The following RIMS2 variants were observed in gnomAD, a reference collection of about 807,000 sequenced individuals.
The protein encoded by RIMS2 is regulating synaptic membrane exocytosis protein 2.
In RIMS2, 59 loss-of-function variants were observed where a neutral mutation model predicts 174.4. The observed-to-expected ratio is 0.34, with a 90% confidence interval of 0.27 to 0.42. The LOEUF (loss-of-function observed/expected upper bound fraction) is 0.42. Ranked by LOEUF, RIMS2 falls within the 10% of genes least tolerant of loss-of-function variation. RIMS2 has a pLI of 1.00. For synonymous variants in RIMS2, 606 were observed against 572.5 expected (o/e 1.06, Z -0.84); for missense variants, 1,620 against 1,666.3 (o/e 0.97, Z 0.48).
At chr8:103,929,397 C>T (rs1433611706) in intron 11 of RIMS2, among the ~76,000 whole-genome samples, 1 of 151,570 alleles carries the variant, frequency 6.6e-6, no homozygotes, top group Non-Finnish European at 1.5e-5. Context: ...TTAGTTTAAC[C>T]CCCCAAAAGG....
chr8:103,511,712 G>T (rs940688284), intron 1 of RIMS2, among the ~76,000 whole-genome samples: 8 of 152,182 alleles, frequency 5.3e-5, no homozygotes, highest in Non-Finnish European at 8.8e-5. Context: ...AATTTATGTT[G>T]CAGTTGACAG....
chr8:103,994,297 A>G (rs1428287055), intron 17 of RIMS2, among the ~76,000 whole-genome samples: 1 of 152,134 alleles, frequency 6.6e-6, no homozygotes, highest in African/African-American at 2.4e-5. Context: ...GTGTCTAGAA[A>G]TTGGATTAGT....
intron 3 of RIMS2, chr8:103,768,673 C>T: frequency 1.3e-6 from 1 of 790,754 alleles, no homozygotes; most frequent in Non-Finnish European, 2.3e-6. Context: ...GATGCCTCAT[C>T]ACCTGGGGCC....
At chr8:103,801,965 C>T (rs1020815935) in intron 3 of RIMS2, among the ~76,000 whole-genome samples, 1 of 152,146 alleles carries the variant, frequency 6.6e-6, no homozygotes, top group African/African-American at 2.4e-5. Context: ...TTTCTTTCAG[C>T]GTCATATATT....
chr8:104,212,819 A>G (rs1219333573), intron 19 of RIMS2, among the ~76,000 whole-genome samples: 2 of 152,222 alleles, frequency 1.3e-5, no homozygotes, highest in Non-Finnish European at 2.9e-5. Context: ...CACTCTCCTC[A>G]TAAGAGATGA....
intron 2 of RIMS2, among the ~76,000 whole-genome samples, chr8:103,707,701 T>C (rs1179459301): frequency 6.6e-6 from 1 of 152,190 alleles, no homozygotes; most frequent in Non-Finnish European, 1.5e-5. Flanking sequence ...CTGGGTTATA[T>C]TCCAATCCCA....
intron 1 of RIMS2, among the ~76,000 whole-genome samples, chr8:103,685,277 A>G (rs926006671): frequency 6.6e-6 from 1 of 152,168 alleles, no homozygotes; most frequent in East Asian, 1.9e-4. Context: ...GAAACCCTCC[A>G]TTCATGGTGG....
intron 19 of RIMS2, among the ~76,000 whole-genome samples, chr8:104,178,892 G>C (rs1376949301): frequency 6.6e-6 from 1 of 152,084 alleles, no homozygotes; most frequent in African/African-American, 2.4e-5. Flanking sequence ...GTAGTTCTTG[G>C]ATAATAAGAG....
At chr8:103,703,329 G>A (rs1272298246) in intron 2 of RIMS2, among the ~76,000 whole-genome samples, 3 of 151,870 alleles carry the variant, frequency 2.0e-5, no homozygotes, top group South Asian at 2.1e-4. Context: ...CCTCTACCTC[G>A]CAGATTCACA....
At chr8:104,161,319 T>G (rs2441870) in intron 19 of RIMS2, among the ~76,000 whole-genome samples, 23,858 of 152,060 alleles carry the variant, frequency 0.16, 2,850 homozygotes, top group East Asian at 0.57. Context: ...CTGGACATTT[T>G]GGACATGGGA....
At chr8:103,503,243 A>AT (rs1442406586) in intron 1 of RIMS2, among the ~76,000 whole-genome samples, 2 of 151,920 alleles carry the variant, frequency 1.3e-5, no homozygotes, top group Non-Finnish European at 3.0e-5. Flanking sequence ...ACAAAAAGTT[A>AT]TTTGGAGGTT....
intron 19 of RIMS2, among the ~76,000 whole-genome samples, chr8:104,186,674 C>A (rs546925224): frequency 4.6e-5 from 7 of 151,668 alleles, no homozygotes; most frequent in South Asian, 2.1e-4. Context: ...TAATGCCTTC[C>A]GCTAATTAAA....
At chr8:103,959,581 C>A (rs1251255501) in intron 14 of RIMS2, among the ~76,000 whole-genome samples, 2 of 151,494 alleles carry the variant, frequency 1.3e-5, no homozygotes, top group South Asian at 2.1e-4. Context: ...TATTTTTTTT[C>A]TTTTTTTATT....
At chr8:104,162,028 G>A (rs1378266106) in intron 19 of RIMS2, among the ~76,000 whole-genome samples, 1 of 151,992 alleles carries the variant, frequency 6.6e-6, no homozygotes, top group Non-Finnish European at 1.5e-5. Flanking sequence ...AATTAGATTG[G>A]GCCCACTCAG....
At chr8:103,761,405 A>G (rs1156237919) in intron 2 of RIMS2, among the ~76,000 whole-genome samples, 1 of 152,266 alleles carries the variant, frequency 6.6e-6, no homozygotes, top group African/African-American at 2.4e-5. Context: ...ACTTAGTAGA[A>G]GTTTAGTTTT....
At chr8:104,054,501 TA>T (rs1007593204) in intron 19 of RIMS2, among the ~76,000 whole-genome samples, 64 of 152,062 alleles carry the variant, frequency 4.2e-4, no homozygotes, top group Non-Finnish European at 7.5e-4. Flanking sequence ...TATCACTTTA[TA>T]AAAAAAATTT....
At chr8:103,504,863 T>G (rs1037921776) in intron 1 of RIMS2, among the ~76,000 whole-genome samples, 2 of 148,550 alleles carry the variant, frequency 1.3e-5, no homozygotes, top group African/African-American at 4.9e-5. Context: ...TTTTTTTTTT[T>G]TTGAGATAGG....
intron 3 of RIMS2, among the ~76,000 whole-genome samples, chr8:103,833,342 TG>T (rs751535047): frequency 2.0e-5 from 3 of 152,178 alleles, no homozygotes; most frequent in Non-Finnish European, 4.4e-5. Flanking sequence ...CTTACATGTG[TG>T]TTTTTATTGG....
chr8:104,253,445 A>G (rs2099363465), downstream of RIMS2: 1 of 152,206 alleles, frequency 6.6e-6, no homozygotes, highest in Non-Finnish European at 1.5e-5. Context: ...TATAGTAAAC[A>G]TAAATTTGCA....
Sources: gnomAD v4.1 joint callset for allele counts (sites outside exome capture counted in the v4.1 genomes callset) on GRCh38, gnomAD v4.1.1 for gene constraint, MANE v1.5 for transcripts, NCBI Gene and HGNC (gene_info 2026-07-23, HGNC 2026-07-21) for gene names.